Variants in STK38L observed in about 807,000 individuals in gnomAD.
The protein encoded by STK38L is serine/threonine kinase 38 like.
In STK38L, 28 loss-of-function variants were observed where a neutral mutation model predicts 59.7. That is an observed-to-expected ratio of 0.47 (90% CI 0.35 to 0.64). STK38L has a LOEUF of 0.64. STK38L is among the 30% of genes least tolerant of loss of function. The pLI, the probability that STK38L is intolerant of heterozygous loss-of-function variation, is 0.01. For synonymous variants in STK38L, 162 were observed against 176.8 expected, an observed-to-expected ratio of 0.92 and a Z score of 0.66; for missense variants, 314 against 555.8, an observed-to-expected ratio of 0.56 and a Z score of 4.37.
intron 1 of STK38L, among the ~76,000 whole-genome samples, chr12:27,252,420 A>T (rs935904753): frequency 6.6e-6 from 1 of 152,060 alleles, no homozygotes; most frequent in East Asian, 1.9e-4. Flanking sequence ...ACTATCTTGT[A>T]CTAGTGTCTG....
At chr12:27,251,707 A>G (rs1464235098) in intron 1 of STK38L, among the ~76,000 whole-genome samples, 1 of 152,248 alleles carries the variant, frequency 6.6e-6, no homozygotes, top group Non-Finnish European at 1.5e-5. Flanking sequence ...GAGTGGGTAA[A>G]TATCATTATA....
intron 1 of STK38L, among the ~76,000 whole-genome samples, chr12:27,277,586 T>C (rs140858149): frequency 2.0e-4 from 30 of 152,266 alleles, no homozygotes; most frequent in Non-Finnish European, 3.1e-4. Flanking sequence ...TTTTCTGGAA[T>C]GACAAATGAG....
Position 27,308,604 on chromosome 12 carries a change from C to CATGAA in STK38L, c.309+143_309+144insATGAA. 2.3e-6 allele frequency: 2 copies of CATGAA among 863,598 alleles called. No homozygotes were observed. Among genetic ancestry groups the CATGAA allele is most frequent in the Non-Finnish European group, 3.0e-6 (2 of 669,832 alleles). 53.5% of individuals were successfully genotyped at this position (863,598 alleles called of 1,614,324 possible). A position where few individuals can be genotyped will look rare whatever the true frequency, so the allele number is the denominator to read the frequency against. Reference sequence around the variant, plus strand: ...CTTTGGGAGGCCGAGGCGGGTGGATCGCCTGAGGTCAGGAGTTCGAGACCA... The same window carrying CATGAA: ...CTTTGGGAGGCCGAGGCGGGTGGATCATGAAGCCTGAGGTCAGGAGTTCGAGACCA... On this transcript the variant is annotated intron_variant, in intron 4 of 13. Transcript: ENST00000389032. The surrounding 1 kb of genome is among the most constrained non-coding windows in gnomAD (Gnocchi z 4.5).
intron 5 of STK38L, 90 bp from the exon 6 acceptor site, chr12:27,312,459 T>G: frequency 7.2e-7 from 1 of 1,380,028 alleles, no homozygotes; most frequent in Non-Finnish European, 9.9e-7. Flanking sequence ...TTTCCTTCAT[T>G]AACTGTTATG....
chr12:27,318,643 G>A (rs1370356193), intron 11 of STK38L, among the ~76,000 whole-genome samples: 1 of 152,162 alleles, frequency 6.6e-6, no homozygotes, highest in Non-Finnish European at 1.5e-5. Context: ...TTCAACAGTA[G>A]TGGACTGGCT....
At chr12:27,286,910 G>A (rs71452044) in intron 1 of STK38L, among the ~76,000 whole-genome samples, 13,283 of 151,914 alleles carry the variant, frequency 0.087, 602 homozygotes, top group South Asian at 0.12. Context: ...TAAATTTTCT[G>A]TGTCTTTGAT....
chr12:27,304,329 T>A (rs540628764), intron 3 of STK38L, among the ~76,000 whole-genome samples: 37 of 149,392 alleles, frequency 2.5e-4, no homozygotes, highest in African/African-American at 9.1e-4. Flanking sequence ...TTAATTGAAA[T>A]CAAATCAGTA....
chr12:27,312,524 T>C (rs760820253), intron 5 of STK38L, 25 bp from the exon 6 acceptor site: 28 of 1,609,848 alleles, frequency 1.7e-5, no homozygotes, highest in Non-Finnish European at 2.2e-5. Flanking sequence ...TTACAATTAT[T>C]TTTTTCAAAA....
At chr12:27,275,203 T>A (rs1275444486) in intron 1 of STK38L, among the ~76,000 whole-genome samples, 1 of 152,192 alleles carries the variant, frequency 6.6e-6, no homozygotes, top group African/African-American at 2.4e-5. Context: ...CGCCCCTTCA[T>A]ACAAAATTAT....
intron 2 of STK38L, chr12:27,300,749 T>C: frequency 2.6e-6 from 1 of 382,960 alleles, no homozygotes; most frequent in Admixed American, 3.1e-5. Context: ...AGGAAACATG[T>C]GTTGGAGAAT....
At chr12:27,277,683 C>G (rs1198126377) in intron 1 of STK38L, among the ~76,000 whole-genome samples, 3 of 151,960 alleles carry the variant, frequency 2.0e-5, no homozygotes, top group African/African-American at 7.3e-5. Flanking sequence ...AAATTTAAAG[C>G]AAATTCCCAC....
intron 1 of STK38L, among the ~76,000 whole-genome samples, chr12:27,264,765 G>A (rs577484825): frequency 3.9e-4 from 59 of 152,294 alleles, no homozygotes; most frequent in African/African-American, 1.4e-3. Flanking sequence ...AGTAACTTGA[G>A]CATCCATGGA....
At chr12:27,276,972 A>G (rs1390924173) in intron 1 of STK38L, among the ~76,000 whole-genome samples, 3 of 152,186 alleles carry the variant, frequency 2.0e-5, no homozygotes, top group East Asian at 3.8e-4. Context: ...ATAACCTTAC[A>G]TTGAATAGTG....
chr12:27,315,772 G>A (rs949526491), intron 9 of STK38L, among the ~76,000 whole-genome samples: 1 of 152,196 alleles, frequency 6.6e-6, no homozygotes, highest in Non-Finnish European at 1.5e-5. Flanking sequence ...AAAGTAAACA[G>A]GAAGTTTGGG....
chr12:27,249,744 CTTCCTGTT>C (rs1286005521), intron 1 of STK38L, among the ~76,000 whole-genome samples: 1 of 152,196 alleles, frequency 6.6e-6, no homozygotes, highest in East Asian at 1.9e-4. Context: ...ATACAGAAGG[CTTCCTGTT>C]TTCCTTGCCT....
intron 1 of STK38L, among the ~76,000 whole-genome samples, chr12:27,256,512 C>T (rs554905737): frequency 3.3e-5 from 5 of 152,316 alleles, no homozygotes; most frequent in East Asian, 1.9e-4. Context: ...CTGCCTTGAC[C>T]TCTTACCTCT....
intron 1 of STK38L, among the ~76,000 whole-genome samples, chr12:27,277,258 A>C (rs1304400718): frequency 2.0e-5 from 3 of 152,096 alleles, no homozygotes; most frequent in Non-Finnish European, 2.9e-5. Flanking sequence ...AAAAGTATAA[A>C]GTATAAAGCA....
At position 27,308,511 on chromosome 12, in the gene STK38L, T is replaced by C. The variant is rs1293825631; in HGVS notation, c.309+50T>C. On this transcript the variant is annotated intron_variant, in intron 4 of 13. Coordinates refer to ENST00000389032, the MANE Select transcript of STK38L (RefSeq NM_015000.4). The surrounding 1 kb of genome is among the most constrained non-coding windows in gnomAD (Gnocchi z 4.5). ...ACTGCTGCAAATATATATCTTAAGA[T>C]AATTTAAAATATGTGTTAAAATATA... 2 of 1,444,292 alleles carry C rather than the reference T, an allele frequency of 1.4e-6. No homozygotes were observed. Among genetic ancestry groups the C allele is most frequent in the Admixed American group, 2.5e-5 (1 of 40,404 alleles). The allele number at this position is 1,444,292 out of a possible 1,614,324, so 89.5% of individuals were successfully genotyped here.
intron 1 of STK38L, among the ~76,000 whole-genome samples, chr12:27,254,342 T>C (rs528274245): frequency 6.6e-6 from 1 of 152,354 alleles, no homozygotes; most frequent in South Asian, 2.1e-4. Context: ...TTTTTAAAAA[T>C]AACACAGTTT....
Sources: gnomAD v4.1 joint callset for allele counts (sites outside exome capture counted in the v4.1 genomes callset) on GRCh38, gnomAD v4.1.1 for gene constraint, Gnocchi (gnomAD v3.1) non-coding constraint, MANE v1.5 for transcripts, NCBI Gene and HGNC (gene_info 2026-07-23, HGNC 2026-07-21) for gene names.